The following CCL28 variants were observed in gnomAD, a reference collection of about 807,000 sequenced individuals.
CCL28 encodes C-C motif chemokine 28.
A neutral mutation model predicts 7.1 loss-of-function variants in CCL28; 4 were observed. The observed-to-expected ratio is 0.56, with a 90% confidence interval of 0.28 to 1.29. The LOEUF is 1.29. Among genes scored for constraint, CCL28 ranks in the 50% most tolerant of loss-of-function variants. The pLI, the probability that CCL28 is intolerant of heterozygous loss-of-function variation, is 0.11. For synonymous variants in CCL28, 55 were observed against 57.8 expected (o/e 0.95, Z 0.22); for missense variants, 151 against 163.4 (o/e 0.92, Z 0.41).
the CCL28 span, among the ~76,000 whole-genome samples, chr5:43,359,986 A>C: frequency 6.6e-6 from 1 of 152,050 alleles, no homozygotes; most frequent in Admixed American, 6.6e-5. Context: ...TATCCATAAA[A>C]ACTCAGGATT....
the CCL28 span, among the ~76,000 whole-genome samples, chr5:43,364,401 C>T: frequency 6.6e-6 from 1 of 151,656 alleles, no homozygotes; most frequent in East Asian, 1.9e-4. Flanking sequence ...TTTGAGTATG[C>T]TAAGTACCCT....
downstream of CCL28, among the ~76,000 whole-genome samples, chr5:43,373,373 T>C (rs1353419817): frequency 6.6e-6 from 1 of 152,110 alleles, no homozygotes; most frequent in Non-Finnish European, 1.5e-5. Context: ...TGATCTCGGC[T>C]CACTGCAACC....
the CCL28 span, among the ~76,000 whole-genome samples, chr5:43,360,643 C>T: frequency 6.6e-6 from 1 of 152,032 alleles, no homozygotes; most frequent in Non-Finnish European, 1.5e-5. Flanking sequence ...TGTATATGTA[C>T]TAAATGCAAA....
chr5:43,406,981 G>A (rs915817724), intron 1 of CCL28, among the ~76,000 whole-genome samples: 2 of 152,248 alleles, frequency 1.3e-5, no homozygotes, highest in Admixed American at 6.5e-5. Context: ...ACTGCTCAAT[G>A]AAATAAAAGA....
At chr5:43,404,408 A>T (rs952070664) in intron 1 of CCL28, among the ~76,000 whole-genome samples, 2 of 152,190 alleles carry the variant, frequency 1.3e-5, no homozygotes, top group African/African-American at 4.8e-5. Flanking sequence ...CACCCAAACT[A>T]AGCTTCATAA....
Position 43,379,958 on chromosome 5 carries a change from A to G in CCL28, c.*1902T>C, listed in dbSNP as rs931595663. 1 of 152,134 alleles carries G rather than the reference A, an allele frequency of 6.6e-6. No individual in the cohort carries two copies. Among genetic ancestry groups the G allele is most frequent in the Non-Finnish European group, 1.5e-5 (1 of 68,036 alleles). 9.4% of individuals were successfully genotyped at this position (152,134 alleles called of 1,614,324 possible). On this transcript the variant is annotated 3_prime_UTR_variant, in exon 3 of 3. Coordinates refer to ENST00000361115, the MANE Select transcript of CCL28 (RefSeq NM_148672.3). ...AACGTGGGAAAACCCCGTCTCTACTAAAAATACAAAAATCAGCGGGGTGTG... is the reference window on the plus strand; with the variant it reads ...AACGTGGGAAAACCCCGTCTCTACTGAAAATACAAAAATCAGCGGGGTGTG...
intron 1 of CCL28, among the ~76,000 whole-genome samples, chr5:43,391,124 T>A (rs1740553786): frequency 6.6e-6 from 1 of 152,146 alleles, no homozygotes; most frequent in Non-Finnish European, 1.5e-5. Context: ...ATAAACAGAA[T>A]GGTATCTGGA....
In CCL28 at chr5:43,381,848, T is replaced by C. The variant is rs569221735; in HGVS notation, c.*12A>G. The C allele has an allele frequency of 1.0e-4, 165 of 1,604,036 alleles. No individual in the cohort carries two copies. In the Admixed American group the frequency reaches 2.7e-3, roughly 26 times the overall value. ...TTGAGGAATTGTCTCTGTAGATTTA[T>C]CTGTAGACTCTCTAATAAGGAGTTT... is the stretch of plus-strand genomic sequence containing the variant. On this transcript the variant is annotated 3_prime_UTR_variant, in exon 3 of 3. Coordinates refer to ENST00000361115, the MANE Select transcript of CCL28 (RefSeq NM_148672.3).
At chr5:43,390,951 A>C (rs1352357274) in intron 1 of CCL28, among the ~76,000 whole-genome samples, 1 of 152,200 alleles carries the variant, frequency 6.6e-6, no homozygotes, top group Non-Finnish European at 1.5e-5. Flanking sequence ...GTGAATTGAA[A>C]TCAGTATTTA....
intron 1 of CCL28, among the ~76,000 whole-genome samples, chr5:43,408,582 T>C (rs1181840272): frequency 6.6e-6 from 1 of 152,128 alleles, no homozygotes; most frequent in African/African-American, 2.4e-5. Context: ...GGCACATGTA[T>C]ACATATGTAA....
At chr5:43,408,047 C>G (rs779856) in intron 1 of CCL28, among the ~76,000 whole-genome samples, 1 of 152,168 alleles carries the variant, frequency 6.6e-6, no homozygotes, top group East Asian at 1.9e-4. Context: ...TAGTGGGACT[C>G]TAAACTAGTT....
the CCL28 span, among the ~76,000 whole-genome samples, chr5:43,363,687 G>A: frequency 6.6e-6 from 1 of 152,140 alleles, no homozygotes; most frequent in African/African-American, 2.4e-5. Context: ...GACTTCAGGG[G>A]TTTACCCTGA....
intron 1 of CCL28, among the ~76,000 whole-genome samples, chr5:43,407,514 G>A (rs1164008): frequency 4.9e-4 from 75 of 152,228 alleles, no homozygotes; most frequent in Admixed American, 1.9e-3. Context: ...AAAGACTTAA[G>A]TGTTAGACCA....
chr5:43,383,562 G>C (rs1237139435), intron 2 of CCL28, among the ~76,000 whole-genome samples: 3 of 152,116 alleles, frequency 2.0e-5, no homozygotes, highest in Non-Finnish European at 4.4e-5. Context: ...TATTCCCTAT[G>C]TGTATTAGAT....
chr5:43,391,877 G>A (rs1372746317), intron 1 of CCL28, among the ~76,000 whole-genome samples: 2 of 152,064 alleles, frequency 1.3e-5, no homozygotes, highest in Non-Finnish European at 2.9e-5. Flanking sequence ...AGATCAAAGG[G>A]CCAAGAAATA....
intron 1 of CCL28, among the ~76,000 whole-genome samples, chr5:43,401,136 G>T (rs1741018639): frequency 6.6e-6 from 1 of 152,030 alleles, no homozygotes; most frequent in Non-Finnish European, 1.5e-5. Context: ...TTCAGAATGT[G>T]GTTAGAACAC....
chr5:43,405,074 A>G lies in CCL28; in HGVS notation c.64+7179T>C, dbSNP rs190947197. ...CAATAATGGGAGACTTTAACACCCC[A>G]CTGTCAACATTAGACAAATCAACAA... On this transcript the variant is annotated intron_variant, in intron 1 of 2. Coordinates refer to ENST00000361115, the MANE Select transcript of CCL28 (RefSeq NM_148672.3). Among the ~76,000 whole-genome samples the G allele has an allele frequency of 8.0e-3, 1,215 of 152,250 alleles. 20 individuals carry two copies. Among genetic ancestry groups the G allele is most frequent in the African/African-American group, 0.028 (1,181 of 41,516 alleles).
At chr5:43,371,266 T>C in the CCL28 span, among the ~76,000 whole-genome samples, 33 of 152,268 alleles carry the variant, frequency 2.2e-4, 1 homozygote, top group East Asian at 6.4e-3. Context: ...ACCAACAGCA[T>C]AGCTTAGTTT....
At chr5:43,395,402 T>C (rs986781934) in intron 1 of CCL28, among the ~76,000 whole-genome samples, 1 of 151,988 alleles carries the variant, frequency 6.6e-6, no homozygotes, top group Non-Finnish European at 1.5e-5. Context: ...TTGAGCCAGG[T>C]GTGGTGGCTC....
Sources: gnomAD v4.1 joint callset for allele counts (sites outside exome capture counted in the v4.1 genomes callset) on GRCh38, gnomAD v4.1.1 for gene constraint, MANE v1.5 for transcripts, NCBI Gene and HGNC (gene_info 2026-07-23, HGNC 2026-07-21) for gene names.